Variants in PLEKHA1 observed in about 807,000 individuals in gnomAD.
The protein encoded by PLEKHA1 is pleckstrin homology domain-containing family A member 1.
Under a neutral mutation model 52.0 loss-of-function variants are expected in PLEKHA1, and 34 were observed. The observed-to-expected ratio is 0.65, with a 90% confidence interval of 0.50 to 0.87. The LOEUF (loss-of-function observed/expected upper bound fraction) is 0.87. PLEKHA1 is among the 40% of genes least tolerant of loss of function. PLEKHA1 has a pLI of 0.00. For missense variants in PLEKHA1, 497 were observed against 504.2 expected (o/e 0.99, Z 0.14); for synonymous variants, 163 against 170.7 (o/e 0.95, Z 0.35).
At chr10:122,397,290 T>G (rs2096863592) in intron 2 of PLEKHA1, among the ~76,000 whole-genome samples, 1 of 152,150 alleles carries the variant, frequency 6.6e-6, no homozygotes, top group African/African-American at 2.4e-5. Context: ...ATTCTCCCTC[T>G]ATGTTTACCT....
chr10:122,375,016 C>T (rs1044526661), intron 1 of PLEKHA1: 33 of 152,106 alleles, frequency 2.2e-4, no homozygotes, highest in Admixed American at 1.8e-3. Flanking sequence ...CGCCACAGCA[C>T]CTGGAGGCCG....
Position 122,412,986 on chromosome 10 carries a change from A to C in PLEKHA1, c.409A>C (p.Lys137Gln). The C allele has an allele frequency of 1.9e-6, 3 of 1,613,592 alleles. No individual in the cohort carries two copies. The South Asian group carries it at 3.3e-5, about 18-fold the overall frequency. The change falls in exon 6 of 12, where the codon AAG becomes CAG. Residue 137 changes from lysine to glutamine, a missense_variant. Lys to Gln is a moderately conservative substitution (Grantham distance 53). Coordinates refer to ENST00000368990, the MANE Select transcript of PLEKHA1 (RefSeq NM_001001974.4). ...AAGTCGCCATGGTGAATGTGGGAAAAAGCAAGTGTCTTACAGAACTGATAT... is the reference window on the plus strand; with the variant it reads ...AAGTCGCCATGGTGAATGTGGGAAACAGCAAGTGTCTTACAGAACTGATAT... Reference protein sequence around the residue: ...NLSRHGECGKKQVSYRTDIVG... With the variant: ...NLSRHGECGKQQVSYRTDIVG...
Position 122,400,589 on chromosome 10 carries a change from C to T in PLEKHA1, c.244+201C>T, listed in dbSNP as rs149066590. 3.6e-3 allele frequency among the ~76,000 whole-genome samples: 547 copies of T among 152,260 alleles called. 1 individual carries two copies. The highest frequency in any genetic ancestry group is 0.012 in the African/African-American group (516 of 41,560). ...AACCCTGAAGCCTCTTTCCTGTGTGCGGTCCTAGTTACAAACATCTCCTTC... is the reference window on the plus strand; with the variant it reads ...AACCCTGAAGCCTCTTTCCTGTGTGTGGTCCTAGTTACAAACATCTCCTTC... On this transcript the variant is annotated intron_variant, in intron 4 of 11. Coordinates refer to ENST00000368990, the MANE Select transcript of PLEKHA1 (RefSeq NM_001001974.4).
intron 10 of PLEKHA1, among the ~76,000 whole-genome samples, chr10:122,426,606 G>T (rs979124915): frequency 1.3e-5 from 2 of 152,170 alleles, no homozygotes; most frequent in Non-Finnish European, 2.9e-5. Flanking sequence ...AAATATTCTT[G>T]TAGCAGATTC....
intron 1 of PLEKHA1, among the ~76,000 whole-genome samples, chr10:122,382,202 G>A (rs148265390): frequency 5.5e-4 from 83 of 152,190 alleles, no homozygotes; most frequent in African/African-American, 1.8e-3. Flanking sequence ...ACAGTTACGT[G>A]GACAACACCA....
At chr10:122,424,171 G>GTTTCTTTTT (rs758904148) in intron 8 of PLEKHA1, 28 bp from the exon 9 acceptor site, 10 of 955,884 alleles carry the variant, frequency 1.0e-5, no homozygotes, top group East Asian at 7.9e-5. Flanking sequence ...TCATGTAACT[G>GTTTCTTTTT]TTTTTTTTTT....
intron 6 of PLEKHA1, 131 bp downstream of exon 6, chr10:122,413,176 T>C (rs1037797330): frequency 9.9e-6 from 8 of 809,954 alleles, no homozygotes; most frequent in African/African-American, 1.8e-5. Flanking sequence ...TTTTTGTTTA[T>C]TTCAAAAGTA....
At chr10:122,392,362 A>G (rs1565161596) in intron 1 of PLEKHA1, 2 of 151,662 alleles carry the variant, frequency 1.3e-5, no homozygotes, top group African/African-American at 2.4e-5. Flanking sequence ...TGTGTTCTGC[A>G]TCTCCTGTAG....
chr10:122,396,839 T>TC (rs1040194135), intron 2 of PLEKHA1, among the ~76,000 whole-genome samples: 1 of 152,112 alleles, frequency 6.6e-6, no homozygotes, highest in Non-Finnish European at 1.5e-5. Flanking sequence ...TGATTTGTTT[T>TC]CCCCAGATTC....
chr10:122,436,792 A>G (rs2097439460), downstream of PLEKHA1: 2 of 152,342 alleles, frequency 1.3e-5, no homozygotes, highest in South Asian at 4.2e-4. Context: ...ACTTCTAAGT[A>G]AAAGCCATGT....
chr10:122,425,929 T>C (rs1398519884), intron 10 of PLEKHA1, among the ~76,000 whole-genome samples: 1 of 152,154 alleles, frequency 6.6e-6, no homozygotes, highest in African/African-American at 2.4e-5. Context: ...ATACTAAATA[T>C]AGTGTTATAT....
rs757847678 is a variant in PLEKHA1 at position 122,400,400 on chromosome 10, T to C, written c.244+12T>C. 2 of 1,600,762 alleles carry C rather than the reference T, an allele frequency of 1.2e-6. No individual in the cohort carries two copies. Among genetic ancestry groups the C allele is most frequent in the Non-Finnish European group, 1.7e-6 (2 of 1,174,714 alleles). Reference sequence around the variant, plus strand: ...GGAGTTCTGTTTTGGTAAGTAGCCATGTTATATATATTTTAAATAGACTGA... The same window carrying C: ...GGAGTTCTGTTTTGGTAAGTAGCCACGTTATATATATTTTAAATAGACTGA... On this transcript the variant is annotated intron_variant, in intron 4 of 11. Coordinates refer to ENST00000368990, the MANE Select transcript of PLEKHA1 (RefSeq NM_001001974.4).
intron 7 of PLEKHA1, among the ~76,000 whole-genome samples, chr10:122,417,341 A>T (rs1233564569): frequency 2.6e-5 from 4 of 151,470 alleles, no homozygotes; most frequent in African/African-American, 9.7e-5. Context: ...AAAAAAAAAA[A>T]GTTTCAACAT....
rs554325037 is a variant in PLEKHA1, at chr10:122,386,199, T to A, written c.-20-6982T>A. ...AGACATTTTAGTAGGTATGTTATAG[T>A]ATCTTGTGGTTTTTATTTGCATTCA... is the stretch of plus-strand genomic sequence containing the variant. On this transcript the variant is annotated intron_variant, in intron 1 of 11. Coordinates refer to ENST00000368990, the MANE Select transcript of PLEKHA1 (RefSeq NM_001001974.4). Among the ~76,000 whole-genome samples, 5 of 152,322 alleles carry A rather than the reference T, an allele frequency of 3.3e-5. No individual in the cohort carries two copies. The South Asian group carries it at 1.0e-3, about 32-fold the overall frequency.
chr10:122,394,354 G>A (rs1024073855), intron 2 of PLEKHA1, among the ~76,000 whole-genome samples: 7 of 152,022 alleles, frequency 4.6e-5, no homozygotes, highest in Admixed American at 6.5e-5. Flanking sequence ...GAGATTACAG[G>A]CATGAGCCAC....
intron 4 of PLEKHA1, among the ~76,000 whole-genome samples, chr10:122,406,083 C>T (rs1375201088): frequency 6.6e-6 from 1 of 152,112 alleles, no homozygotes; most frequent in Non-Finnish European, 1.5e-5. Context: ...ACAACCAGTT[C>T]TGGTGAGGGG....
intron 10 of PLEKHA1, among the ~76,000 whole-genome samples, chr10:122,426,321 T>A: frequency 6.6e-6 from 1 of 152,024 alleles, no homozygotes; most frequent in East Asian, 1.9e-4. Context: ...TTGTTAATAT[T>A]ACTTATTCAA....
At chr10:122,400,775 G>T (rs574349398) in intron 4 of PLEKHA1, among the ~76,000 whole-genome samples, 2 of 152,248 alleles carry the variant, frequency 1.3e-5, no homozygotes, top group South Asian at 4.1e-4. Flanking sequence ...CTCAGTTTGG[G>T]GTAGGAGTAG....
At chr10:122,441,096 G>A in the PLEKHA1 span, 3 of 152,108 alleles carry the variant, frequency 2.0e-5, no homozygotes, top group Non-Finnish European at 4.4e-5. Context: ...TCCCATCCCA[G>A]TCCTACTGAA....
Sources: allele counts gnomAD v4.1 joint callset (sites outside exome capture counted in the v4.1 genomes callset), GRCh38; gene constraint gnomAD v4.1.1; transcripts MANE v1.5; gene names NCBI Gene and HGNC (gene_info 2026-07-23, HGNC 2026-07-21).